The following NAV1 variants were observed in gnomAD, a reference collection of about 807,000 sequenced individuals.
NAV1 encodes the protein neuron navigator 1, also known as pore membrane and/or filament interacting like protein 3.
In NAV1, 18 loss-of-function variants were observed where a neutral mutation model predicts 175.2. That is an observed-to-expected ratio of 0.10 (90% CI 0.07 to 0.15). NAV1 has a LOEUF of 0.15. NAV1 is among the 10% of genes least tolerant of loss of function. The pLI is 1.00. For missense variants in NAV1, 1,731 were observed against 2,436.6 expected (o/e 0.71, Z 6.10); for synonymous variants, 897 against 978.7 (o/e 0.92, Z 1.56).
At chr1:201,781,216 G>T in exon 5 of NAV1, 1 of 1,613,966 alleles carries the variant, frequency 6.2e-7, no homozygotes, top group South Asian at 1.1e-5. Flanking sequence ...CATCAGCCTG[G>T]GCCACCCTGG....
intron 3 of NAV1, among the ~76,000 whole-genome samples, chr1:201,759,834 C>A (rs1164160993): frequency 1.3e-5 from 2 of 152,162 alleles, no homozygotes; most frequent in Admixed American, 6.5e-5. Flanking sequence ...GTGACCACTT[C>A]TTTTGAAATA....
At chr1:201,783,385 T>C (rs1183356975) in intron 6 of NAV1, 21 bp from the exon 11 acceptor site, 2 of 1,607,054 alleles carry the variant, frequency 1.2e-6, no homozygotes. Flanking sequence ...ATTCTAAATA[T>C]TTCGTTTGAT....
intron 2 of NAV1, among the ~76,000 whole-genome samples, chr1:201,713,371 G>A (rs996655471): frequency 2.0e-5 from 3 of 152,132 alleles, no homozygotes; most frequent in South Asian, 2.1e-4. Context: ...TGTCAGTTAG[G>A]TGCCCCCTGG....
At chr1:201,617,044 T>G (rs1337952570) in intron 2 of NAV1, among the ~76,000 whole-genome samples, 1 of 152,158 alleles carries the variant, frequency 6.6e-6, no homozygotes, top group Non-Finnish European at 1.5e-5. Flanking sequence ...GTGTAATTTA[T>G]TGAGGACTGG....
At chr1:201,714,932 T>G (rs1164467042) in intron 2 of NAV1, among the ~76,000 whole-genome samples, 2 of 152,144 alleles carry the variant, frequency 1.3e-5, no homozygotes, top group East Asian at 3.9e-4. Context: ...TTTCTGCTTC[T>G]AGTGGGAAAG....
intron 2 of NAV1, among the ~76,000 whole-genome samples, chr1:201,591,406 C>T (rs1296129484): frequency 1.3e-5 from 2 of 152,120 alleles, no homozygotes; most frequent in East Asian, 1.9e-4. Context: ...GGGCTGTTCA[C>T]ACAACCTCCC....
At chr1:201,583,323 C>A (rs1284894941) in intron 1 of NAV1, among the ~76,000 whole-genome samples, 2 of 152,262 alleles carry the variant, frequency 1.3e-5, no homozygotes, top group Admixed American at 1.3e-4. Context: ...GCCCTGTACC[C>A]CAGCTGTGTT....
intron 2 of NAV1, among the ~76,000 whole-genome samples, chr1:201,591,379 AGAGGT>A (rs1667187917): frequency 6.6e-6 from 1 of 152,190 alleles, no homozygotes; most frequent in South Asian, 2.1e-4. Flanking sequence ...CTCTTTGTCA[AGAGGT>A]GAGGAGAGGA....
rs535331896 is a variant in NAV1 at position 201,624,041 on chromosome 1, C to T, written c.-101+435C>T. On this transcript the variant is annotated intron_variant, in intron 1 of 29. Transcript: ENST00000367302. ...ACCAACTCTATTGGCTTGGGCACTG[C>T]GCCTTTACTTAGTAAGTAAAATCTA... 2.6e-5 allele frequency among the ~76,000 whole-genome samples: 4 copies of T among 152,018 alleles called. No individual in the cohort carries two copies. The East Asian group carries it at 5.8e-4, about 22-fold the overall frequency.
rs149261573 is a variant in NAV1 at position 201,707,901 on chromosome 1, A to G, written c.758-4916A>G. On this transcript the variant is annotated intron_variant, in intron 1 of 29. Transcript: ENST00000367296. ...TGTATATCTGGAGGCATGTGCATGT[A>G]TTTTGAAACACCATATTGTAGTGGA... Among the ~76,000 whole-genome samples, 34 of 152,354 alleles carry G rather than the reference A, an allele frequency of 2.2e-4. 1 individual carries two copies. The East Asian group carries it at 6.6e-3, about 29-fold the overall frequency.
chr1:201,781,856 T>G (rs2102709797), intron 5 of NAV1, among the ~76,000 whole-genome samples: 1 of 152,274 alleles, frequency 6.6e-6, no homozygotes, highest in South Asian at 2.1e-4. Flanking sequence ...TTCCCCACCT[T>G]TTTTTTCCCT....
chr1:201,756,809 CTTCTTTCT>C (rs534285799), intron 3 of NAV1, among the ~76,000 whole-genome samples: 1,959 of 26,506 alleles, frequency 0.074, 45 homozygotes, highest in African/African-American at 0.14. Context: ...TCTTTCTTTC[CTTCTTTCT>C]TTCTTTCTTT....
chr1:201,566,458 G>T (rs746731322), intron 1 of NAV1, among the ~76,000 whole-genome samples: 5 of 152,108 alleles, frequency 3.3e-5, no homozygotes, highest in South Asian at 2.1e-4. Context: ...CACTTAGGTT[G>T]TGTTCCCCAG....
rs540875991 is a variant in NAV1 at position 201,601,054 on chromosome 1, G to C, written c.-33+12405G>C. 2.6e-5 allele frequency among the ~76,000 whole-genome samples: 4 copies of C among 152,212 alleles called. No homozygotes were observed. In the East Asian group the frequency reaches 7.7e-4, roughly 29 times the overall value. On this transcript the variant is annotated intron_variant, in intron 2 of 33. Coordinates refer to the NAV1 transcript ENST00000685211. ...CTTATGGCAGCCATAGCAGTCACCC[G>C]TCTCATCTAGCTCCAGGGAGCTACT...
At chr1:201,695,019 A>G in intron 1 of NAV1, among the ~76,000 whole-genome samples, 1 of 152,240 alleles carries the variant, frequency 6.6e-6, no homozygotes, top group East Asian at 1.9e-4. Context: ...TCATATATCC[A>G]AAAGGCAGGG....
At chr1:201,606,416 C>T (rs1667678837) in intron 2 of NAV1, among the ~76,000 whole-genome samples, 1 of 152,176 alleles carries the variant, frequency 6.6e-6, no homozygotes, top group African/African-American at 2.4e-5. Context: ...ATTTTGCTGG[C>T]ACTTTCCTCA....
chr1:201,552,129 A>C (rs911352240), intron 1 of NAV1, among the ~76,000 whole-genome samples: 43 of 152,210 alleles, frequency 2.8e-4, no homozygotes, highest in African/African-American at 9.9e-4. Context: ...AGAGACTGTG[A>C]CAAAGACAAA....
At chr1:201,604,313 C>A (rs887002648) in intron 2 of NAV1, among the ~76,000 whole-genome samples, 1 of 152,200 alleles carries the variant, frequency 6.6e-6, no homozygotes, top group Non-Finnish European at 1.5e-5. Context: ...GCATTGGCCT[C>A]CTAAAGTGCT....
chr1:201,692,703 C>T (rs1167242200), intron 1 of NAV1, among the ~76,000 whole-genome samples: 1 of 152,202 alleles, frequency 6.6e-6, no homozygotes, highest in African/African-American at 2.4e-5. Context: ...TGGAACAGGG[C>T]TATCTCTAAG....
Sources: allele counts gnomAD v4.1 joint callset (sites outside exome capture counted in the v4.1 genomes callset), GRCh38; gene constraint gnomAD v4.1.1; transcripts MANE v1.5; gene names NCBI Gene and HGNC (gene_info 2026-07-23, HGNC 2026-07-21).